Variants in SMURF2 observed in about 807,000 individuals in gnomAD.
SMURF2 encodes SMAD specific E3 ubiquitin protein ligase 2.
In SMURF2, 48 loss-of-function variants were observed where a neutral mutation model predicts 109.6. The ratio of observed to expected loss-of-function variants is 0.44; its 90% CI spans 0.35 to 0.56. SMURF2 has a LOEUF of 0.56. Ranked by LOEUF, SMURF2 falls within the 20% of genes least tolerant of loss-of-function variation. The probability of loss-of-function intolerance (pLI) is 0.01; values close to 1 mark genes in which losing one functional copy is unlikely to be tolerated. For synonymous variants in SMURF2, 288 were observed against 317.1 expected (o/e 0.91, Z 0.97); for missense variants, 575 against 909.0 (o/e 0.63, Z 4.72).
intron 1 of SMURF2, among the ~76,000 whole-genome samples, chr17:64,631,727 C>A (rs1970350968): frequency 6.6e-6 from 1 of 152,162 alleles, no homozygotes; most frequent in Non-Finnish European, 1.5e-5. Flanking sequence ...CCTCTGCCCT[C>A]ATTTTCACAC....
Position 64,571,815 on chromosome 17 carries a change from G to A in SMURF2, c.999C>T (p.Asn333=), listed in dbSNP as rs1969402680. The A allele has an allele frequency of 1.2e-6, 2 of 1,609,896 alleles. No individual in the cohort carries two copies. The highest frequency in any genetic ancestry group is 1.7e-6 in the Non-Finnish European group (2 of 1,178,488). The change falls in exon 10 of 19, where the codon AAC becomes AAT. Residue 333 remains asparagine, a synonymous_variant. Transcript: ENST00000262435. The part of the protein sequence containing the change: ...TQFTDPRLSA[N]LHLVLNRQNQ... The stretch of plus-strand genomic sequence containing the variant: ...AAACTTACTTTAAAACTAAATGCAA[G>A]TTAGCAGACAGCCGAGGATCTGTAA...
chr17:64,656,163 C>G, intron 1 of SMURF2, among the ~76,000 whole-genome samples: 1 of 152,028 alleles, frequency 6.6e-6, no homozygotes. Context: ...TAAGTTCTTC[C>G]AAGTATAGAA....
At chr17:64,627,111 C>CTTTT (rs1204553792) in intron 1 of SMURF2, among the ~76,000 whole-genome samples, 27 of 120,112 alleles carry the variant, frequency 2.2e-4, no homozygotes, top group African/African-American at 4.5e-4. Context: ...AGTTTTTTTC[C>CTTTT]TTTTTTTTTT....
chr17:64,647,479 A>C (rs953881281), intron 1 of SMURF2, among the ~76,000 whole-genome samples: 13 of 152,082 alleles, frequency 8.5e-5, no homozygotes, highest in Admixed American at 8.5e-4. Flanking sequence ...GGAGCTTGAG[A>C]CCAGCCTGGC....
intron 1 of SMURF2, among the ~76,000 whole-genome samples, chr17:64,650,329 A>G (rs1555693364): frequency 7.4e-6 from 1 of 135,892 alleles, no homozygotes; most frequent in Non-Finnish European, 1.5e-5. Context: ...ACACCATCAC[A>G]CGGGTTTTTT....
At chr17:64,636,993 G>C (rs1258151344) in intron 1 of SMURF2, among the ~76,000 whole-genome samples, 1 of 152,062 alleles carries the variant, frequency 6.6e-6, no homozygotes, top group Non-Finnish European at 1.5e-5. Context: ...GCCGAGACAA[G>C]AGGATCTCTT....
At chr17:64,647,627 G>C (rs1970576455) in intron 1 of SMURF2, among the ~76,000 whole-genome samples, 1 of 151,086 alleles carries the variant, frequency 6.6e-6, no homozygotes, top group Non-Finnish European at 1.5e-5. Context: ...GTTGCGGTGA[G>C]CCGAGATCAT....
chr17:64,606,741 C>G (rs1713878119), intron 1 of SMURF2, 101 bp from the exon 2 acceptor site: 1 of 785,054 alleles, frequency 1.3e-6, no homozygotes, highest in East Asian at 2.9e-5. Flanking sequence ...TAGTTAAACC[C>G]TAACTATAGC....
At chr17:64,557,074 C>G (rs943159303) in intron 13 of SMURF2, among the ~76,000 whole-genome samples, 2 of 152,180 alleles carry the variant, frequency 1.3e-5, no homozygotes, top group African/African-American at 4.8e-5. Flanking sequence ...GTAATAACTG[C>G]TAACTTCTGT....
chr17:64,603,555 C>T (rs549755187), intron 2 of SMURF2, among the ~76,000 whole-genome samples: 9 of 145,072 alleles, frequency 6.2e-5, no homozygotes, highest in African/African-American at 2.1e-4. Flanking sequence ...GCACTCTAGC[C>T]GGGGGACAGA....
At chr17:64,572,009 C>A in intron 9 of SMURF2, 53 bp from the exon 10 acceptor site, 1 of 1,488,900 alleles carries the variant, frequency 6.7e-7, no homozygotes, top group South Asian at 1.3e-5. Flanking sequence ...CCTGCTGAAC[C>A]AAGCAAGTGT....
At position 64,650,332 on chromosome 17, in the gene SMURF2, GGTTTTTT is replaced by G. The variant is rs374119117; in HGVS notation, c.52+11490_52+11496del. On this transcript the variant is annotated intron_variant, in intron 1 of 18. Coordinates refer to ENST00000262435, the MANE Select transcript of SMURF2 (RefSeq NM_022739.4). ...GATTACAGGCACACACCATCACACG[GGTTTTTT>G]GTTTTTTGTTTTTTTTTTTGGTATT... Among the ~76,000 whole-genome samples, 363 of 149,034 alleles carry G rather than the reference GGTTTTTT, an allele frequency of 2.4e-3. 2 individuals are homozygous for G. The highest frequency in any genetic ancestry group is 3.3e-3 in the Non-Finnish European group (220 of 67,668).
At chr17:64,574,501 A>G (rs952288370) in intron 9 of SMURF2, among the ~76,000 whole-genome samples, 1 of 152,226 alleles carries the variant, frequency 6.6e-6, no homozygotes, top group Non-Finnish European at 1.5e-5. Flanking sequence ...TTTGTTTTAA[A>G]GAGTCTGACT....
intron 1 of SMURF2, among the ~76,000 whole-genome samples, chr17:64,652,256 T>C (rs1970650155): frequency 6.6e-6 from 1 of 152,210 alleles, no homozygotes; most frequent in Admixed American, 6.5e-5. Flanking sequence ...AAAAATAATA[T>C]CTGTCACAGA....
chr17:64,605,773 A>ATATATATATATATATATATATC (rs1268912427), intron 2 of SMURF2, among the ~76,000 whole-genome samples: 1 of 138,546 alleles, frequency 7.2e-6, no homozygotes, highest in African/African-American at 2.8e-5. Flanking sequence ...ATATATATAT[A>ATATATATATATATATATATATC]TATCTTATTT....
At chr17:64,549,760 C>T (rs143493929) in intron 16 of SMURF2, among the ~76,000 whole-genome samples, 287 of 151,456 alleles carry the variant, frequency 1.9e-3, no homozygotes, top group African/African-American at 6.7e-3. Flanking sequence ...TCTGTCTCCA[C>T]AAATAAAAAA....
At position 64,637,923 on chromosome 17, in the gene SMURF2, C is replaced by CAAAAAAAAAAAAAAAAAAAAAAAAA. The variant is rs59701513; in HGVS notation, c.52+23905_52+23906insTTTTTTTTTTTTTTTTTTTTTTTTT. Among the ~76,000 whole-genome samples the CAAAAAAAAAAAAAAAAAAAAAAAAA allele has an allele frequency of 3.2e-3, 235 of 72,528 alleles. 23 individuals carry two copies. The highest frequency in any genetic ancestry group is 7.9e-3 in the African/African-American group (192 of 24,298). The allele number at this position is 72,528 out of a possible 152,430, so 47.6% of individuals were successfully genotyped here. The stretch of plus-strand genomic sequence containing the variant: ...CATTGAATGGTTTTGGCGCCCTAGT[C>CAAAAAAAAAAAAAAAAAAAAAAAAA]AAAAAAAAAAAAAAAAAAAATCAAC... On this transcript the variant is annotated intron_variant, in intron 1 of 18. Transcript: ENST00000262435.
intron 12 of SMURF2, among the ~76,000 whole-genome samples, chr17:64,560,272 T>C (rs1969193496): frequency 1.3e-5 from 2 of 152,094 alleles, no homozygotes; most frequent in African/African-American, 4.8e-5. Context: ...CATATAATTA[T>C]AGTACTTAGA....
At chr17:64,550,757 CA>C (rs146307567) in intron 16 of SMURF2, among the ~76,000 whole-genome samples, 131 of 69,708 alleles carry the variant, frequency 1.9e-3, no homozygotes, top group South Asian at 4.1e-3. Flanking sequence ...ACTCTGTCTC[CA>C]AAAAAAAAAA....
Sources: gnomAD v4.1 joint callset for allele counts (sites outside exome capture counted in the v4.1 genomes callset) on GRCh38, gnomAD v4.1.1 for gene constraint, MANE v1.5 for transcripts, NCBI Gene and HGNC (gene_info 2026-07-23, HGNC 2026-07-21) for gene names.